Variants in CDC42BPA observed in about 807,000 individuals in gnomAD.
The protein encoded by CDC42BPA is CDC42 binding protein kinase alpha, also known as serine/threonine-protein kinase MRCK alpha.
CDC42BPA carries 80 observed loss-of-function variants against 223.5 expected under a neutral mutation model. The ratio of observed to expected loss-of-function variants is 0.36; its 90% CI spans 0.30 to 0.43. The LOEUF is 0.43. Ranked by LOEUF, CDC42BPA falls within the 20% of genes least tolerant of loss-of-function variation. The pLI, the probability that CDC42BPA is intolerant of heterozygous loss-of-function variation, is 1.00. For missense variants in CDC42BPA, 1,743 were observed against 2,099.9 expected, an observed-to-expected ratio of 0.83 and a Z score of 3.32; for synonymous variants, 694 against 718.6, an observed-to-expected ratio of 0.97 and a Z score of 0.55.
intron 10 of CDC42BPA, among the ~76,000 whole-genome samples, chr1:227,130,848 T>C (rs1656947755): frequency 7.1e-6 from 1 of 140,078 alleles, no homozygotes; most frequent in South Asian, 2.1e-4. Context: ...ATCGAGACTC[T>C]GTCTCAAAAA....
At chr1:227,011,941 C>G (rs1168075557) in intron 34 of CDC42BPA, among the ~76,000 whole-genome samples, 1 of 152,050 alleles carries the variant, frequency 6.6e-6, no homozygotes, top group South Asian at 2.1e-4. Context: ...CTAACTGAAT[C>G]CAGCATGGAA....
At chr1:227,202,542 T>C in intron 3 of CDC42BPA, among the ~76,000 whole-genome samples, 1 of 152,084 alleles carries the variant, frequency 6.6e-6, no homozygotes, top group Non-Finnish European at 1.5e-5. Flanking sequence ...TAAAAAAAGC[T>C]CCAAAGACTT....
At chr1:227,135,803 G>A (rs1181844806) in intron 10 of CDC42BPA, among the ~76,000 whole-genome samples, 6 of 133,484 alleles carry the variant, frequency 4.5e-5, no homozygotes, top group African/African-American at 1.4e-4. Flanking sequence ...GCAGTGAACC[G>A]AGATCACACC....
rs57568297 is a variant in CDC42BPA at position 227,144,574 on chromosome 1, C to CA, written c.1143+914dup. ...TGGGAGACAGAGCGAGACTCTGTCT[C>CA]AAAAAAAAAAAAAAAAAAAAAAAAA... On this transcript the variant is annotated intron_variant, in intron 8 of 36. Coordinates refer to ENST00000366766, the MANE Select transcript of CDC42BPA (RefSeq NM_001394014.1). Among the ~76,000 whole-genome samples the CA allele has an allele frequency of 5.0e-3, 319 of 63,480 alleles. 41 individuals are homozygous for CA. Among genetic ancestry groups the CA allele is most frequent in the East Asian group, 0.024 (40 of 1,696 alleles). 41.6% of individuals were successfully genotyped at this position (63,480 alleles called of 152,430 possible).
At chr1:227,166,224 T>C (rs1173199371) in intron 5 of CDC42BPA, among the ~76,000 whole-genome samples, 2 of 152,198 alleles carry the variant, frequency 1.3e-5, no homozygotes, top group Non-Finnish European at 2.9e-5. Context: ...CTTAAAATGG[T>C]CACTATTTGG....
intron 2 of CDC42BPA, among the ~76,000 whole-genome samples, chr1:227,241,070 G>C (rs1250272258): frequency 2.0e-5 from 3 of 151,784 alleles, no homozygotes; most frequent in African/African-American, 7.3e-5. Flanking sequence ...ACCTCACAAA[G>C]GAAGATATAA....
chr1:227,036,155 T>A (rs1194828465), intron 24 of CDC42BPA, among the ~76,000 whole-genome samples: 1 of 152,236 alleles, frequency 6.6e-6, no homozygotes, highest in Non-Finnish European at 1.5e-5. Flanking sequence ...GTTAACTTTA[T>A]GGAGTGCTTT....
In CDC42BPA at chr1:227,190,648, C is replaced by T. The variant is rs117735455; in HGVS notation, c.599+3138G>A. On this transcript the variant is annotated intron_variant, in intron 5 of 36. Transcript: ENST00000366766. ...ACAACTGAAACCTTTTCAAAAGCCA[C>T]AACTATATGCTATACCCACTTACTT... Among the ~76,000 whole-genome samples the T allele has an allele frequency of 2.6e-5, 4 of 152,350 alleles. 1 individual carries two copies. The East Asian group carries it at 5.8e-4, about 22-fold the overall frequency.
intron 14 of CDC42BPA, 176 bp downstream of exon 14, chr1:227,112,136 C>T: frequency 7.0e-6 from 3 of 425,688 alleles, no homozygotes; most frequent in Non-Finnish European, 1.2e-5. Context: ...TTTTCTTCAG[C>T]ATAATTAAGA....
chr1:227,136,892 A>G (rs181143889), intron 10 of CDC42BPA, among the ~76,000 whole-genome samples: 70 of 152,310 alleles, frequency 4.6e-4, no homozygotes, highest in African/African-American at 1.6e-3. Context: ...ACAAGAAAAC[A>G]ATAAAGGAAG....
chr1:227,310,389 G>T (rs1250252568), intron 1 of CDC42BPA, among the ~76,000 whole-genome samples: 3 of 152,150 alleles, frequency 2.0e-5, no homozygotes, highest in Admixed American at 2.0e-4. Context: ...TCCCAAAAGA[G>T]AAGCAAACAG....
chr1:227,080,192 C>T (rs1175877409), intron 17 of CDC42BPA, among the ~76,000 whole-genome samples: 1 of 151,884 alleles, frequency 6.6e-6, no homozygotes, highest in African/African-American at 2.4e-5. Flanking sequence ...CTACCATTTG[C>T]CAAAATGGAT....
chr1:227,037,781 A>G (rs1386751139), intron 24 of CDC42BPA, among the ~76,000 whole-genome samples: 1 of 152,236 alleles, frequency 6.6e-6, no homozygotes, highest in East Asian at 1.9e-4. Flanking sequence ...GAAAATGCAT[A>G]TTATGGAAAA....
At chr1:227,158,451 A>G (rs922169570) in intron 6 of CDC42BPA, among the ~76,000 whole-genome samples, 1 of 151,920 alleles carries the variant, frequency 6.6e-6, no homozygotes, top group East Asian at 1.9e-4. Context: ...TTATCTTCTT[A>G]TGAAGAAAAA....
At chr1:227,289,888 C>A (rs866935786) in intron 1 of CDC42BPA, among the ~76,000 whole-genome samples, 1,450 of 120,746 alleles carry the variant, frequency 0.012, no homozygotes, top group African/African-American at 0.013. Flanking sequence ...CCTGTCTCTA[C>A]AAAAAAAAAA....
At chr1:227,015,783 A>G (rs537534499) in intron 34 of CDC42BPA, among the ~76,000 whole-genome samples, 1 of 152,170 alleles carries the variant, frequency 6.6e-6, no homozygotes, top group East Asian at 1.9e-4. Context: ...GTGGTATAGA[A>G]CCTCTCCGAA....
intron 1 of CDC42BPA, among the ~76,000 whole-genome samples, chr1:227,265,434 A>C (rs960462965): frequency 2.6e-5 from 4 of 152,082 alleles, no homozygotes; most frequent in Admixed American, 2.6e-4. Flanking sequence ...TAGGCCGGGC[A>C]CAGTAGCTCA....
chr1:227,269,525 T>A (rs954446109), intron 1 of CDC42BPA, among the ~76,000 whole-genome samples: 7 of 152,132 alleles, frequency 4.6e-5, no homozygotes, highest in African/African-American at 1.7e-4. Context: ...GATTTATCTA[T>A]ATGAAAACTT....
intron 5 of CDC42BPA, among the ~76,000 whole-genome samples, chr1:227,163,426 C>CTA (rs933418021): frequency 4.6e-5 from 7 of 152,054 alleles, no homozygotes; most frequent in Non-Finnish European, 1.0e-4. Flanking sequence ...CTTCTCCAGA[C>CTA]TATAGATGTA....
Sources: allele counts gnomAD v4.1 joint callset (sites outside exome capture counted in the v4.1 genomes callset), GRCh38; gene constraint gnomAD v4.1.1; transcripts MANE v1.5; gene names NCBI Gene and HGNC (gene_info 2026-07-23, HGNC 2026-07-21).